CMIP: variants seen among roughly 807,000 people sequenced by gnomAD.
CMIP encodes C-Maf-inducing protein.
A neutral mutation model predicts 97.3 loss-of-function variants in CMIP; 13 were observed. That is an observed-to-expected ratio of 0.13 (90% CI 0.09 to 0.21). CMIP has a LOEUF of 0.21. CMIP is among the 10% of genes least tolerant of loss of function. The pLI, the probability that CMIP is intolerant of heterozygous loss-of-function variation, is 1.00. For missense variants in CMIP, 847 were observed against 1,024.9 expected, an observed-to-expected ratio of 0.83 and a Z score of 2.37; for synonymous variants, 538 against 436.3, an observed-to-expected ratio of 1.23 and a Z score of -2.91.
intron 1 of CMIP, among the ~76,000 whole-genome samples, chr16:81,513,685 TCAATTCC>T (rs2089856312): frequency 6.6e-6 from 1 of 152,158 alleles, no homozygotes; most frequent in Admixed American, 6.5e-5. Context: ...GTCAGATGGG[TCAATTCC>T]CAGAGTGGAG....
At chr16:81,546,015 C>T (rs562821372) in intron 1 of CMIP, among the ~76,000 whole-genome samples, 3 of 152,126 alleles carry the variant, frequency 2.0e-5, no homozygotes, top group African/African-American at 4.8e-5. Context: ...GTGGGGAAAA[C>T]GCAAATGGCG....
chr16:81,623,117 T>C (rs1267911502), intron 3 of CMIP, among the ~76,000 whole-genome samples: 1 of 152,032 alleles, frequency 6.6e-6, no homozygotes, highest in Admixed American at 6.6e-5. Context: ...GGTGGGAGGA[T>C]CACTTGAGCC....
chr16:81,703,623 A>G (rs1907679082), intron 17 of CMIP, among the ~76,000 whole-genome samples: 1 of 151,966 alleles, frequency 6.6e-6, no homozygotes, highest in South Asian at 2.1e-4. Context: ...AGACACACAC[A>G]CACACAGACG....
chr16:81,652,373 C>T lies in CMIP; in HGVS notation c.639+9C>T. 6.2e-7 allele frequency: 1 copy of T among 1,610,600 alleles called. No homozygotes were observed. Among genetic ancestry groups the T allele is most frequent in the East Asian group, 2.2e-5 (1 of 44,868 alleles). ...CGAAACTGCTCTCAGAGGTAAAACC[C>T]CTCCCCTGGACCCCTTTACATTGTT... On this transcript the variant is annotated intron_variant, in intron 4 of 20. Transcript: ENST00000537098. This position sits in a 1 kb window ranked among gnomAD's most constrained non-coding sequence, Gnocchi z 5.2.
intron 1 of CMIP, among the ~76,000 whole-genome samples, chr16:81,538,173 A>G (rs2090381879): frequency 1.3e-5 from 2 of 152,184 alleles, no homozygotes; most frequent in African/African-American, 2.4e-5. Context: ...CTTGCTCCAG[A>G]TTAGGGAAGT....
intron 19 of CMIP, among the ~76,000 whole-genome samples, chr16:81,706,020 GTA>G (rs1415452406): frequency 2.0e-5 from 3 of 152,188 alleles, no homozygotes; most frequent in Admixed American, 2.0e-4. Flanking sequence ...CTCAGACACC[GTA>G]CGGTAAGCAG....
At chr16:81,459,002 A>ATCACCG (rs200983960) in intron 1 of CMIP, among the ~76,000 whole-genome samples, 2 of 151,530 alleles carry the variant, frequency 1.3e-5, no homozygotes, top group South Asian at 2.1e-4. Flanking sequence ...CACTGTCACC[A>ATCACCG]TCACCGTCAC....
chr16:81,673,672 T>G (rs1220434758), intron 9 of CMIP, among the ~76,000 whole-genome samples: 1 of 152,166 alleles, frequency 6.6e-6, no homozygotes, highest in Non-Finnish European at 1.5e-5. Context: ...GCTGGGATAG[T>G]CACTCACCAG....
intron 15 of CMIP, 97 bp downstream of exon 15, chr16:81,699,898 C>T (rs1907199903): frequency 8.7e-6 from 7 of 802,562 alleles, no homozygotes; most frequent in Admixed American, 2.2e-5. Context: ...CTGCTGCAGG[C>T]ACGGGGGGCA....
intron 20 of CMIP, among the ~76,000 whole-genome samples, chr16:81,707,569 CAGG>C (rs1357611208): frequency 1.3e-5 from 2 of 152,148 alleles, no homozygotes; most frequent in East Asian, 3.9e-4. Context: ...TGAGAGGGAG[CAGG>C]AGTAGAAGCA....
At chr16:81,687,163 C>T (rs963262025) in intron 10 of CMIP, among the ~76,000 whole-genome samples, 2 of 152,164 alleles carry the variant, frequency 1.3e-5, no homozygotes, top group Non-Finnish European at 2.9e-5. Flanking sequence ...GTCATTGGCC[C>T]GGTCCCAGTG....
chr16:81,584,690 G>A (rs990508149), intron 1 of CMIP, among the ~76,000 whole-genome samples: 8 of 152,144 alleles, frequency 5.3e-5, no homozygotes, highest in Non-Finnish European at 1.0e-4. Context: ...CTAGCCCGGC[G>A]CCGTCCATCA....
chr16:81,668,769 C>G (rs75281946), intron 7 of CMIP, among the ~76,000 whole-genome samples: 1 of 151,534 alleles, frequency 6.6e-6, no homozygotes, highest in African/African-American at 2.4e-5. Context: ...ACATGTATGC[C>G]TCTGTCCACA....
chr16:81,454,565 G>C (rs991047102), intron 1 of CMIP, among the ~76,000 whole-genome samples: 1 of 152,204 alleles, frequency 6.6e-6, no homozygotes, highest in Admixed American at 6.5e-5. Flanking sequence ...ATTCGTAAAG[G>C]GTAAGCATTA....
chr16:81,644,272 G>A (rs968625656), intron 3 of CMIP, among the ~76,000 whole-genome samples: 1 of 152,138 alleles, frequency 6.6e-6, no homozygotes, highest in Non-Finnish European at 1.5e-5. Flanking sequence ...ACAGATAATC[G>A]GGACAGTGTT....
chr16:81,684,274 AGCTAGCTGGT>A (rs1905166823), intron 10 of CMIP, among the ~76,000 whole-genome samples: 1 of 152,192 alleles, frequency 6.6e-6, no homozygotes, highest in African/African-American at 2.4e-5. Context: ...CAAATCCCCG[AGCTAGCTGGT>A]TTGCCTTTCA....
intron 1 of CMIP, among the ~76,000 whole-genome samples, chr16:81,552,979 C>T (rs1338345628): frequency 1.3e-5 from 2 of 152,158 alleles, no homozygotes; most frequent in African/African-American, 4.8e-5. Context: ...GAGTCCCCTC[C>T]CTGGGGGACA....
At position 81,530,968 on chromosome 16, in the gene CMIP, A is replaced by G. The variant is rs1597513114; in HGVS notation, c.301-76599A>G. 3.9e-5 allele frequency among the ~76,000 whole-genome samples: 6 copies of G among 152,268 alleles called. No individual in the cohort carries two copies. In the East Asian group the frequency reaches 1.2e-3, roughly 29 times the overall value. On this transcript the variant is annotated intron_variant, in intron 1 of 20. Transcript: ENST00000537098. ...TCGAACGTAGCCACCAGCTAGCCTG[A>G]GCTTGTTCTGATGTCTTCTGGGATC...
At chr16:81,692,913 G>A (rs1380968669) in intron 11 of CMIP, among the ~76,000 whole-genome samples, 3 of 152,190 alleles carry the variant, frequency 2.0e-5, no homozygotes, top group African/African-American at 7.2e-5. Flanking sequence ...ACAGGTGTGG[G>A]CACAGGGAAC....
Sources: gnomAD v4.1 joint callset for allele counts (sites outside exome capture counted in the v4.1 genomes callset) on GRCh38, gnomAD v4.1.1 for gene constraint, Gnocchi (gnomAD v3.1) non-coding constraint, MANE v1.5 for transcripts, NCBI Gene and HGNC (gene_info 2026-07-23, HGNC 2026-07-21) for gene names.